The following PCDH11X variants were observed in gnomAD, a reference collection of about 807,000 sequenced individuals.
The protein encoded by PCDH11X is protocadherin-11 X-linked.
A neutral mutation model predicts 53.3 loss-of-function variants in PCDH11X; 18 were observed. The observed-to-expected ratio is 0.34, with a 90% CI of 0.23 to 0.50. PCDH11X has a LOEUF of 0.50. Among genes scored for constraint, PCDH11X ranks in the 20% least tolerant of loss-of-function variants. The pLI, the probability that PCDH11X is intolerant of heterozygous loss-of-function variation, is 0.98. For synonymous variants in PCDH11X, 279 were observed against 393.3 expected (o/e 0.71, Z 3.44); for missense variants, 570 against 1,032.4 (o/e 0.55, Z 6.14).
At chrX:92,447,016 G>T (rs1368467819) in intron 9 of PCDH11X, among the ~76,000 whole-genome samples, 1 of 111,301 alleles carries the variant, frequency 9.0e-6, no homozygotes, top group Non-Finnish European at 1.9e-5. Context: ...AAAGATTTGT[G>T]GAATTTTGAA....
chrX:91,950,592 A>T (rs2061627596), intron 6 of PCDH11X, among the ~76,000 whole-genome samples: 1 of 71,271 alleles, frequency 1.4e-5, no homozygotes, highest in African/African-American at 5.7e-5. Flanking sequence ...TAAATGTGAT[A>T]TATATATATA....
chrX:92,318,125 G>A (rs73532147), intron 8 of PCDH11X, among the ~76,000 whole-genome samples: 14,879 of 110,424 alleles, frequency 0.13, 749 homozygotes, highest in African/African-American at 0.18. Context: ...AATCAAATTT[G>A]CACCACAATT....
chrX:92,260,494 G>C (rs1226762871), intron 7 of PCDH11X, among the ~76,000 whole-genome samples: 1 of 111,135 alleles, frequency 9.0e-6, no homozygotes, highest in Non-Finnish European at 1.9e-5. Context: ...AGCGATTCAG[G>C]ACTGTTTTTT....
intron 1 of PCDH11X, among the ~76,000 whole-genome samples, 187 bp from the exon 2 acceptor site, chrX:91,809,279 T>G (rs1172964813): frequency 2.7e-5 from 3 of 111,000 alleles, no homozygotes; most frequent in East Asian, 2.8e-4. Flanking sequence ...TCAAAAACAT[T>G]TAAAGAGCTA....
At chrX:92,021,191 C>G (rs1334638010) in intron 6 of PCDH11X, among the ~76,000 whole-genome samples, 1 of 111,583 alleles carries the variant, frequency 9.0e-6, no homozygotes, top group African/African-American at 3.3e-5. Context: ...ATGAGATGGA[C>G]AAACTGACAG....
At chrX:92,291,555 G>A (rs1812575127) in intron 8 of PCDH11X, among the ~76,000 whole-genome samples, 2 of 94,296 alleles carry the variant, frequency 2.1e-5, no homozygotes, top group South Asian at 1.1e-3. Context: ...TTAAAAATGG[G>A]TATGAGGTCT....
intron 10 of PCDH11X, among the ~76,000 whole-genome samples, chrX:92,527,708 A>G (rs2074481331): frequency 9.0e-6 from 1 of 111,601 alleles, no homozygotes; most frequent in Non-Finnish European, 1.9e-5. Flanking sequence ...CATAAAATAT[A>G]TTCTCCTATT....
intron 6 of PCDH11X, among the ~76,000 whole-genome samples, chrX:92,053,899 G>A (rs2063402748): frequency 8.9e-6 from 1 of 111,982 alleles, no homozygotes; most frequent in African/African-American, 3.2e-5. Flanking sequence ...GTCAGGTTGA[G>A]TGTTGTCATC....
chrX:92,123,130 A>G (rs138462361), intron 6 of PCDH11X, among the ~76,000 whole-genome samples: 2 of 111,101 alleles, frequency 1.8e-5, no homozygotes, highest in African/African-American at 6.5e-5. Context: ...TCCTGTCCCA[A>G]TCCTCACCCA....
chrX:92,557,257 G>A (rs1199474552), intron 10 of PCDH11X, among the ~76,000 whole-genome samples: 2 of 110,407 alleles, frequency 1.8e-5, no homozygotes, highest in Non-Finnish European at 3.8e-5. Context: ...CAGAAGGCTT[G>A]AATTTCTCCC....
At chrX:92,060,550 A>T (rs149519028) in intron 6 of PCDH11X, among the ~76,000 whole-genome samples, 1,752 of 109,935 alleles carry the variant, frequency 0.016, 34 homozygotes, top group African/African-American at 0.056. Flanking sequence ...TGTGTATTCA[A>T]TGATTAGCTT....
rs1385961911 is a variant in PCDH11X, at chrX:92,230,633, G to C, written c.3114+29178G>C. On this transcript the variant is annotated intron_variant, in intron 7 of 10. Transcript: ENST00000682573. ...TATACATATATATTCCTGCTGAAAG[G>C]CAATTGCCTTTCTCTACACAGAAGT... Among the ~76,000 whole-genome samples the C allele has an allele frequency of 3.1e-5, 3 of 96,045 alleles. No homozygotes were observed. In the East Asian group the frequency reaches 9.4e-4, roughly 30 times the overall value. The allele number at this position is 96,045 out of a possible 115,157, so 83.4% of individuals were successfully genotyped here. A position where few individuals can be genotyped will look rare whatever the true frequency, so the allele number is the denominator to read the frequency against.
chrX:92,489,762 T>C (rs1173893715), intron 10 of PCDH11X, among the ~76,000 whole-genome samples: 3 of 105,485 alleles, frequency 2.8e-5, no homozygotes, highest in African/African-American at 1.0e-4. Flanking sequence ...TATATATATA[T>C]ATAAATTTTT....
chrX:92,607,421 A>G (rs1926937764), intron 10 of PCDH11X, among the ~76,000 whole-genome samples: 1 of 111,790 alleles, frequency 8.9e-6, no homozygotes, highest in African/African-American at 3.2e-5. Flanking sequence ...CAGTATAGGC[A>G]AATCTATTGA....
At chrX:91,783,038 C>T (rs753794041) in intron 1 of PCDH11X, among the ~76,000 whole-genome samples, 12 of 111,797 alleles carry the variant, frequency 1.1e-4, no homozygotes, top group African/African-American at 3.9e-4. Flanking sequence ...GGTGTCGCAA[C>T]AAACTGCTTA....
chrX:92,029,522 T>A (rs1198011330), intron 6 of PCDH11X, among the ~76,000 whole-genome samples: 3 of 111,517 alleles, frequency 2.7e-5, no homozygotes, highest in Non-Finnish European at 5.6e-5. Flanking sequence ...GAGCTCCCAA[T>A]GTAATTAAGA....
chrX:92,592,457 C>G (rs757197838), intron 10 of PCDH11X, among the ~76,000 whole-genome samples: 1 of 110,256 alleles, frequency 9.1e-6, no homozygotes, highest in African/African-American at 3.3e-5. Flanking sequence ...CAAGGCCAGG[C>G]GCACTGGCTC....
In PCDH11X at chrX:92,582,044, TC is replaced by T. The variant is rs746967283; in HGVS notation, c.3368-36219del. ...GCAGCAAAGCATTCAAAAGGTGACT[TC>T]AGTGCTGTTAAAAACATTCAGTTTT... On this transcript the variant is annotated intron_variant, in intron 10 of 10. Transcript: ENST00000682573. 3.0e-3 allele frequency among the ~76,000 whole-genome samples: 286 copies of T among 93,876 alleles called. 1 individual carries two copies. Among genetic ancestry groups the T allele is most frequent in the African/African-American group, 0.011 (271 of 24,497 alleles). The allele number at this position is 93,876 out of a possible 115,157, so 81.5% of individuals were successfully genotyped here. A position where few individuals can be genotyped will look rare whatever the true frequency, so the allele number is the denominator to read the frequency against.
chrX:92,096,163 A>G (rs924418456), intron 6 of PCDH11X, among the ~76,000 whole-genome samples: 4 of 111,927 alleles, frequency 3.6e-5, no homozygotes, highest in Non-Finnish European at 7.5e-5. Context: ...GTTGTTTGAT[A>G]TTTTCCAAAA....
Sources: allele counts gnomAD v4.1 joint callset (sites outside exome capture counted in the v4.1 genomes callset), GRCh38; gene constraint gnomAD v4.1.1; transcripts MANE v1.5; gene names NCBI Gene and HGNC (gene_info 2026-07-23, HGNC 2026-07-21).